CALCR: variants seen among roughly 807,000 people sequenced by gnomAD.
The protein encoded by CALCR is calcitonin receptor.
In CALCR, 47 loss-of-function variants were observed where a neutral mutation model predicts 59.5. The ratio of observed to expected loss-of-function variants is 0.79; its 90% confidence interval spans 0.63 to 1.01. The LOEUF (loss-of-function observed/expected upper bound fraction) is 1.01. Ranked by LOEUF, CALCR falls within the 50% of genes least tolerant of loss-of-function variation. The pLI, the probability that CALCR is intolerant of heterozygous loss-of-function variation, is 0.00. For missense variants in CALCR, 566 were observed against 597.1 expected (o/e 0.95, Z 0.54); for synonymous variants, 213 against 211.3 (o/e 1.01, Z -0.07).
chr7:93,465,282 G>A (rs190217989), intron 7 of CALCR, among the ~76,000 whole-genome samples: 5 of 151,994 alleles, frequency 3.3e-5, no homozygotes, highest in Admixed American at 2.0e-4. Context: ...GCTGAAAATG[G>A]TCAAGAATCA....
intron 3 of CALCR, among the ~76,000 whole-genome samples, chr7:93,486,275 A>AT (rs1800942183): frequency 6.6e-6 from 1 of 151,722 alleles, no homozygotes; most frequent in South Asian, 2.1e-4. Flanking sequence ...ATGTTGACAC[A>AT]AATAATAGGC....
intron 6 of CALCR, among the ~76,000 whole-genome samples, 193 bp from the exon 7 acceptor site, chr7:93,468,999 G>A (rs978441285): frequency 6.6e-6 from 1 of 151,730 alleles, no homozygotes; most frequent in African/African-American, 2.4e-5. Flanking sequence ...AAAATAAATT[G>A]TCATTTTCAA....
intron 8 of CALCR, among the ~76,000 whole-genome samples, chr7:93,455,618 G>T (rs1343314500): frequency 6.6e-6 from 1 of 151,898 alleles, no homozygotes; most frequent in Non-Finnish European, 1.5e-5. Flanking sequence ...ATACTATTTT[G>T]CCTGTATCCT....
chr7:93,542,821 GT>G (rs1363400599), intron 2 of CALCR, among the ~76,000 whole-genome samples: 1 of 151,972 alleles, frequency 6.6e-6, no homozygotes, highest in Non-Finnish European at 1.5e-5. Context: ...TCAATACACT[GT>G]TTTCTACCTT....
chr7:93,542,560 A>G (rs1446323629), intron 2 of CALCR, among the ~76,000 whole-genome samples: 2 of 152,118 alleles, frequency 1.3e-5, no homozygotes, highest in African/African-American at 4.8e-5. Context: ...AAACTTATGA[A>G]AAAAATTTTT....
At chr7:93,548,671 G>GA (rs36087372) in intron 2 of CALCR, among the ~76,000 whole-genome samples, 43,219 of 140,002 alleles carry the variant, frequency 0.31, 7,396 homozygotes, top group Non-Finnish European at 0.41. Flanking sequence ...AAGAAAAACA[G>GA]AAAAAAAAAA....
At chr7:93,521,040 A>G (rs1801752891) in intron 2 of CALCR, among the ~76,000 whole-genome samples, 1 of 152,074 alleles carries the variant, frequency 6.6e-6, no homozygotes, top group Non-Finnish European at 1.5e-5. Context: ...TAGGTGGCAT[A>G]TTTCCTTCCC....
At chr7:93,550,425 T>C (rs1172393882) in intron 2 of CALCR, among the ~76,000 whole-genome samples, 2 of 140,724 alleles carry the variant, frequency 1.4e-5, no homozygotes, top group African/African-American at 2.7e-5. Flanking sequence ...GAGGCGGAGA[T>C]TGCAGTGAGC....
At chr7:93,482,100 T>C (rs1424844493) in intron 3 of CALCR, among the ~76,000 whole-genome samples, 1 of 151,878 alleles carries the variant, frequency 6.6e-6, no homozygotes, top group Non-Finnish European at 1.5e-5. Flanking sequence ...TAGATATTCC[T>C]AATGGAATTG....
intron 2 of CALCR, among the ~76,000 whole-genome samples, chr7:93,550,430 G>A: frequency 7.2e-6 from 1 of 138,042 alleles, no homozygotes; most frequent in East Asian, 2.2e-4. Flanking sequence ...GGAGATTGCA[G>A]TGAGCCGAGA....
chr7:93,500,629 A>C (rs1262354297), intron 2 of CALCR, among the ~76,000 whole-genome samples: 1 of 152,006 alleles, frequency 6.6e-6, no homozygotes, highest in Non-Finnish European at 1.5e-5. Flanking sequence ...GGGTAGAATG[A>C]AGCAGAGCAC....
At chr7:93,479,043 C>T (rs1192108639) in intron 4 of CALCR, among the ~76,000 whole-genome samples, 1 of 151,794 alleles carries the variant, frequency 6.6e-6, no homozygotes, top group African/African-American at 2.4e-5. Flanking sequence ...TTTCCAATTC[C>T]CTTTCCTGTC....
chr7:93,448,014 C>T (rs972465737), intron 8 of CALCR, among the ~76,000 whole-genome samples: 8 of 151,948 alleles, frequency 5.3e-5, no homozygotes, highest in African/African-American at 1.7e-4. Flanking sequence ...CAAACAGAGT[C>T]CCTACTCCTA....
chr7:93,510,430 G>T (rs1352956083), intron 2 of CALCR, among the ~76,000 whole-genome samples: 1 of 152,178 alleles, frequency 6.6e-6, no homozygotes, highest in African/African-American at 2.4e-5. Context: ...GTGGGCCAGG[G>T]AGGCACCCAT....
chr7:93,526,513 G>T (rs1801880468), intron 2 of CALCR, among the ~76,000 whole-genome samples: 1 of 84,626 alleles, frequency 1.2e-5, no homozygotes, highest in Non-Finnish European at 2.1e-5. Context: ...AATATAGATT[G>T]CAATTTATAT....
chr7:93,548,872 G>GTC (rs1789372341), intron 2 of CALCR, among the ~76,000 whole-genome samples: 1 of 78,890 alleles, frequency 1.3e-5, no homozygotes, highest in Non-Finnish European at 3.9e-5. Context: ...GTGTGTGTGT[G>GTC]TGTGTGTCTG....
At chr7:93,469,327 C>CT (rs11388861) in intron 6 of CALCR, among the ~76,000 whole-genome samples, 89,646 of 148,378 alleles carry the variant, frequency 0.6, 27,644 homozygotes, top group African/African-American at 0.75. Context: ...TTTGATAATT[C>CT]TTTTTTTTTT....
intron 8 of CALCR, among the ~76,000 whole-genome samples, chr7:93,446,182 G>C (rs756616297): frequency 1.3e-5 from 2 of 151,954 alleles, no homozygotes; most frequent in Non-Finnish European, 2.9e-5. Flanking sequence ...TGGGTTTGAC[G>C]CAAGATATTG....
At chr7:93,510,164 C>G (rs540526177) in intron 2 of CALCR, among the ~76,000 whole-genome samples, 2 of 151,846 alleles carry the variant, frequency 1.3e-5, no homozygotes, top group Non-Finnish European at 2.9e-5. Flanking sequence ...GTGGTGGGTA[C>G]TCGATAATTA....
Sources: gnomAD v4.1 joint callset for allele counts (sites outside exome capture counted in the v4.1 genomes callset) on GRCh38, gnomAD v4.1.1 for gene constraint, MANE v1.5 for transcripts, NCBI Gene and HGNC (gene_info 2026-07-23, HGNC 2026-07-21) for gene names.